DESI2: variants seen among roughly 807,000 people sequenced by gnomAD.
The protein encoded by DESI2 is desumoylating isopeptidase 2.
A neutral mutation model predicts 24.1 loss-of-function variants in DESI2; 10 were observed. The observed-to-expected ratio is 0.41, with a 90% confidence interval of 0.26 to 0.70. DESI2 has a LOEUF of 0.70. Ranked by LOEUF, DESI2 falls within the 30% of genes least tolerant of loss-of-function variation. The pLI, the probability that DESI2 is intolerant of heterozygous loss-of-function variation, is 0.29. For missense variants in DESI2, 122 were observed against 234.9 expected (o/e 0.52, Z 3.14); for synonymous variants, 71 against 87.7 (o/e 0.81, Z 1.06).
intron 2 of DESI2, 42 bp downstream of exon 2, chr1:244,686,711 G>A (rs758116669): frequency 5.1e-6 from 7 of 1,363,006 alleles, no homozygotes; most frequent in Non-Finnish European, 6.3e-6. Context: ...TGAAGATTTT[G>A]TACTTTAAAA....
chr1:244,702,751 G>GCCACACCCT (rs1487433056), intron 4 of DESI2, among the ~76,000 whole-genome samples: 1 of 152,142 alleles, frequency 6.6e-6, no homozygotes, highest in Non-Finnish European at 1.5e-5. Flanking sequence ...GGCTAATCAA[G>GCCACACCCT]CCACACCCTC....
intron 1 of DESI2, among the ~76,000 whole-genome samples, chr1:244,661,767 C>G (rs1450503557): frequency 6.6e-6 from 1 of 152,166 alleles, no homozygotes; most frequent in African/African-American, 2.4e-5. Context: ...GCATAGTATT[C>G]CATGATGTGT....
chr1:244,662,162 A>G (rs1017287795), intron 1 of DESI2, among the ~76,000 whole-genome samples: 1 of 152,186 alleles, frequency 6.6e-6, no homozygotes, highest in African/African-American at 2.4e-5. Context: ...ATGGCCAGTG[A>G]TGAGCATTTT....
chr1:244,666,109 C>T (rs574647203), intron 1 of DESI2, among the ~76,000 whole-genome samples: 1 of 152,156 alleles, frequency 6.6e-6, no homozygotes, highest in Non-Finnish European at 1.5e-5. Flanking sequence ...CTCTCCGAGA[C>T]AACTACAATA....
chr1:244,699,981 C>G lies in DESI2; in HGVS notation c.352-5575C>G, dbSNP rs76857733. Among the ~76,000 whole-genome samples, 5 of 152,326 alleles carry G rather than the reference C, an allele frequency of 3.3e-5. No homozygotes were observed. The East Asian group carries it at 9.6e-4, about 29-fold the overall frequency. On this transcript the variant is annotated intron_variant, in intron 4 of 4. Coordinates refer to ENST00000302550, the MANE Select transcript of DESI2 (RefSeq NM_016076.5). ...AACACCTCCAGATGTCATCCACAGT[C>G]GTGAGGCTGATAACCTGATGTCATG...
intron 2 of DESI2, among the ~76,000 whole-genome samples, chr1:244,687,804 T>G (rs1039919361): frequency 2.0e-5 from 3 of 152,222 alleles, no homozygotes. Flanking sequence ...GTGGGTGGGA[T>G]CATAGTCTGT....
chr1:244,691,729 C>A, intron 3 of DESI2, 150 bp from the exon 4 acceptor site: 1 of 588,792 alleles, frequency 1.7e-6, no homozygotes, highest in Non-Finnish European at 2.8e-6. Flanking sequence ...TATCTTGTTT[C>A]ACTTTTAGTC....
intron 1 of DESI2, among the ~76,000 whole-genome samples, chr1:244,667,760 C>A (rs1318331646): frequency 6.6e-6 from 1 of 152,148 alleles, no homozygotes; most frequent in South Asian, 2.1e-4. Flanking sequence ...TGAACTAGTG[C>A]AATGGTTTAG....
intron 1 of DESI2, among the ~76,000 whole-genome samples, chr1:244,678,519 G>A (rs1048738922): frequency 2.6e-5 from 4 of 151,996 alleles, no homozygotes; most frequent in African/African-American, 7.2e-5. Context: ...GTCAACATTC[G>A]GGCATAACTC....
At chr1:244,656,595 T>C (rs969644047) in intron 1 of DESI2, 1 of 152,206 alleles carries the variant, frequency 6.6e-6, no homozygotes, top group Non-Finnish European at 1.5e-5. Context: ...AGCAGGTGAC[T>C]CAGATTAGTT....
chr1:244,676,664 C>G (rs1177504523), intron 1 of DESI2, among the ~76,000 whole-genome samples: 6 of 151,236 alleles, frequency 4.0e-5, no homozygotes, highest in Admixed American at 4.0e-4. Context: ...AGTCTTTCAC[C>G]GTTAAGTATG....
intron 1 of DESI2, among the ~76,000 whole-genome samples, chr1:244,673,928 A>G (rs1169473254): frequency 6.6e-6 from 1 of 151,954 alleles, no homozygotes; most frequent in East Asian, 1.9e-4. Flanking sequence ...TTTGCCAACT[A>G]AAACATGGTA....
chr1:244,706,274 GTTTTGTTAAAGT>G lies in DESI2; in HGVS notation c.*487_*498del, dbSNP rs1247556016. On this transcript the variant is annotated 3_prime_UTR_variant, in exon 5 of 5. Transcript: ENST00000302550. ...AGAATGGTCTTTTAGATTTGTGTTT[GTTTTGTTAAAGT>G]TGTTGGCACCAGGATGCAGAGAATC... 1 of 165,534 alleles carries G rather than the reference GTTTTGTTAAAGT, an allele frequency of 6.0e-6. No individual in the cohort carries two copies. Among genetic ancestry groups the G allele is most frequent in the Non-Finnish European group, 1.3e-5 (1 of 76,008 alleles). 10.3% of individuals were successfully genotyped at this position (165,534 alleles called of 1,614,324 possible). A position where few individuals can be genotyped will look rare whatever the true frequency, so the allele number is the denominator to read the frequency against.
chr1:244,690,222 C>A (rs1323842164), intron 3 of DESI2, among the ~76,000 whole-genome samples: 1 of 152,138 alleles, frequency 6.6e-6, no homozygotes, highest in Non-Finnish European at 1.5e-5. Flanking sequence ...CTCCCCCAGG[C>A]TCCCACCCCG....
chr1:244,699,839 A>G (rs1414007557), intron 4 of DESI2, among the ~76,000 whole-genome samples: 1 of 152,134 alleles, frequency 6.6e-6, no homozygotes, highest in Admixed American at 6.6e-5. Flanking sequence ...TTCCCTAAAA[A>G]CTTCCATGCT....
intron 4 of DESI2, among the ~76,000 whole-genome samples, chr1:244,703,818 C>A (rs1000930294): frequency 6.6e-6 from 1 of 152,112 alleles, no homozygotes; most frequent in Non-Finnish European, 1.5e-5. Flanking sequence ...GCCACCACGC[C>A]TAGCTAATTT....
chr1:244,669,255 C>T (rs1272536451), intron 1 of DESI2, among the ~76,000 whole-genome samples: 2 of 151,440 alleles, frequency 1.3e-5, no homozygotes, highest in African/African-American at 2.4e-5. Context: ...CCTTGGCCTC[C>T]CAAAGTGCTG....
intron 1 of DESI2, among the ~76,000 whole-genome samples, chr1:244,657,950 T>C (rs1477295477): frequency 6.6e-6 from 1 of 152,184 alleles, no homozygotes; most frequent in East Asian, 1.9e-4. Flanking sequence ...CTGGTGTTTC[T>C]AACCTTTATG....
chr1:244,665,978 G>C (rs12404604), intron 1 of DESI2, among the ~76,000 whole-genome samples: 2 of 152,088 alleles, frequency 1.3e-5, no homozygotes, highest in Admixed American at 6.5e-5. Flanking sequence ...AGCTGAATAG[G>C]GCTAGAGAAA....
Sources: allele counts gnomAD v4.1 joint callset (sites outside exome capture counted in the v4.1 genomes callset), GRCh38; gene constraint gnomAD v4.1.1; transcripts MANE v1.5; gene names NCBI Gene and HGNC (gene_info 2026-07-23, HGNC 2026-07-21).